GRHL3: variants seen among roughly 807,000 people sequenced by gnomAD.
The protein encoded by GRHL3 is grainyhead-like protein 3 homolog.
A neutral mutation model predicts 70.3 loss-of-function variants in GRHL3; 20 were observed. The ratio of observed to expected loss-of-function variants is 0.28; its 90% CI spans 0.20 to 0.41. The LOEUF (loss-of-function observed/expected upper bound fraction) is 0.41. Among genes scored for constraint, GRHL3 ranks in the 10% least tolerant of loss-of-function variants. The pLI is 1.00. For synonymous variants in GRHL3, 299 were observed against 299.9 expected, an observed-to-expected ratio of 1.00 and a Z score of 0.03; for missense variants, 637 against 762.3, an observed-to-expected ratio of 0.84 and a Z score of 1.94.
In GRHL3 at chr1:24,334,997, A is replaced by G. The variant is rs1253591644; in HGVS notation, c.266+291A>G. ...GAGCCTAGGGCTCTTGAAAGTCCTA[A>G]TGAAACTCAGCTTGAAAACACACAC... On this transcript the variant is annotated intron_variant, in intron 3 of 15. Coordinates refer to ENST00000361548, the MANE Select transcript of GRHL3 (RefSeq NM_198173.3). This position sits in a 1 kb window ranked among gnomAD's most constrained non-coding sequence, Gnocchi z 4.3. 6.7e-6 allele frequency among the ~76,000 whole-genome samples: 1 copy of G among 149,306 alleles called. No individual in the cohort carries two copies. The highest frequency in any genetic ancestry group is 1.5e-5 in the Non-Finnish European group (1 of 67,528).
intron 5 of GRHL3, 73 bp downstream of exon 5, chr1:24,337,224 C>A: frequency 9.6e-7 from 1 of 1,043,034 alleles, no homozygotes; most frequent in Non-Finnish European, 1.5e-6. Flanking sequence ...CCCACACTGT[C>A]CCCAGAGCAT....
chr1:24,324,308 C>G (rs1235144985), intron 1 of GRHL3, among the ~76,000 whole-genome samples: 1 of 152,150 alleles, frequency 6.6e-6, no homozygotes, highest in African/African-American at 2.4e-5. Flanking sequence ...TGACCACCGT[C>G]AACTTGCCCA....
In GRHL3 at chr1:24,343,035, G is replaced by C; in HGVS notation, c.1419+10G>C. On this transcript the variant is annotated intron_variant, in intron 11 of 15. Transcript: ENST00000361548. ...GCAGCGCTCTGGAGGGGTGAGGCCA[G>C]GGCTGGGGTCTCGGGAAGGAGCCGA... 6.2e-7 allele frequency: 1 copy of C among 1,613,996 alleles called. No individual in the cohort carries two copies. The highest frequency in any genetic ancestry group is 8.5e-7 in the Non-Finnish European group (1 of 1,179,958).
At chr1:24,354,139 G>C (rs1010716923) in intron 15 of GRHL3, among the ~76,000 whole-genome samples, 2 of 151,924 alleles carry the variant, frequency 1.3e-5, no homozygotes, top group African/African-American at 4.8e-5. Context: ...CTGTGAGTGT[G>C]GGGGCCAGCA....
At chr1:24,356,458 C>G (rs1180517034), downstream of GRHL3, among the ~76,000 whole-genome samples, 1 of 151,968 alleles carries the variant, frequency 6.6e-6, no homozygotes, top group Non-Finnish European at 1.5e-5. Flanking sequence ...CCAGGATGGT[C>G]TCGATCTCCT....
chr1:24,360,964 T>C, intron 15 of GRHL3: 1 of 1,614,062 alleles, frequency 6.2e-7, no homozygotes, highest in Non-Finnish European at 8.5e-7. Context: ...CACGATCTCA[T>C]ACTGACCAGG....
At chr1:24,363,515 T>C (rs1641257105) in intron 15 of GRHL3, among the ~76,000 whole-genome samples, 1 of 152,226 alleles carries the variant, frequency 6.6e-6, no homozygotes, top group Admixed American at 6.5e-5. Context: ...ACTTCCCCGT[T>C]CAACAGCTAT....
chr1:24,323,583 CTAAG>C (rs1032357097), intron 1 of GRHL3, among the ~76,000 whole-genome samples: 12 of 152,184 alleles, frequency 7.9e-5, no homozygotes, highest in Non-Finnish European at 1.2e-4. Flanking sequence ...GCTCCTTAAC[CTAAG>C]TGTCAGTTTT....
At chr1:24,324,655 G>A (rs1266261886) in intron 1 of GRHL3, among the ~76,000 whole-genome samples, 1 of 152,154 alleles carries the variant, frequency 6.6e-6, no homozygotes, top group Non-Finnish European at 1.5e-5. Context: ...ATGAACGGTA[G>A]CTCTCATAGC....
At chr1:24,336,932 C>T in intron 4 of GRHL3, 105 bp downstream of exon 4, 1 of 1,227,486 alleles carries the variant, frequency 8.1e-7, no homozygotes, top group Non-Finnish European at 1.2e-6. Flanking sequence ...TGGGGGAAAG[C>T]ATCCTAGAGC....
downstream of GRHL3, among the ~76,000 whole-genome samples, chr1:24,358,925 G>T (rs1015542060): frequency 6.6e-6 from 1 of 152,228 alleles, no homozygotes; most frequent in African/African-American, 2.4e-5. Flanking sequence ...TCTTAAAGAA[G>T]CAAGGTGTTA....
chr1:24,328,814 C>T (rs1639488145), intron 1 of GRHL3, among the ~76,000 whole-genome samples: 3 of 152,216 alleles, frequency 2.0e-5, no homozygotes, highest in Non-Finnish European at 4.4e-5. Context: ...GCGTTATCCT[C>T]ATGATATTAT....
intron 1 of GRHL3, among the ~76,000 whole-genome samples, chr1:24,320,519 A>G (rs1639140104): frequency 6.6e-6 from 1 of 152,188 alleles, no homozygotes; most frequent in Non-Finnish European, 1.5e-5. Context: ...AGAATCCTTT[A>G]AACACAGGCT....
chr1:24,358,446 G>T, downstream of GRHL3: 1 of 1,048,528 alleles, frequency 9.5e-7, no homozygotes, highest in Non-Finnish European at 1.5e-6. Flanking sequence ...GTTGTCAGCT[G>T]CCACACTCAT....
chr1:24,358,626 G>A (rs367604358), downstream of GRHL3: 69 of 1,610,112 alleles, frequency 4.3e-5, no homozygotes, highest in Non-Finnish European at 5.5e-5. Flanking sequence ...GTAGCTGTGA[G>A]GGGACAGAGA....
chr1:24,350,038 C>A lies in GRHL3; in HGVS notation c.1630-20C>A. 1 of 1,592,472 alleles carries A rather than the reference C, an allele frequency of 6.3e-7. No individual in the cohort carries two copies. The highest frequency in any genetic ancestry group is 1.1e-5 in the South Asian group (1 of 90,122). On this transcript the variant is annotated intron_variant, in intron 14 of 15. Transcript: ENST00000361548. ...CTAGCGTGGGCAGCAGGCAATGAAT[C>A]ACCTGTCTTTTCCTTCCAGATCTCT...
intron 15 of GRHL3, among the ~76,000 whole-genome samples, chr1:24,352,641 C>T (rs934538521): frequency 6.6e-6 from 1 of 152,178 alleles, no homozygotes; most frequent in African/African-American, 2.4e-5. Flanking sequence ...AGCCTTCCAG[C>T]TGGTACATAT....
chr1:24,329,128 C>T (rs755782530), intron 1 of GRHL3, among the ~76,000 whole-genome samples: 4 of 152,334 alleles, frequency 2.6e-5, no homozygotes, highest in Non-Finnish European at 1.5e-5. Flanking sequence ...GCTCTCCGCA[C>T]CCCTAGAACA....
chr1:24,334,223 C>T lies in GRHL3; in HGVS notation c.205-422C>T, dbSNP rs747491576. Among the ~76,000 whole-genome samples the T allele has an allele frequency of 5.9e-5, 9 of 152,222 alleles. No homozygotes were observed. The highest frequency in any genetic ancestry group is 8.8e-5 in the Non-Finnish European group (6 of 68,000). On this transcript the variant is annotated intron_variant, in intron 2 of 15. Coordinates refer to ENST00000361548, the MANE Select transcript of GRHL3 (RefSeq NM_198173.3). This position sits in a 1 kb window ranked among gnomAD's most constrained non-coding sequence, Gnocchi z 4.3. ...TTCTCACGCTGCTAATAAAGACATA[C>T]CCAGGACTGGGTAATTTTTAAAGGA...
Sources: gnomAD v4.1 joint callset for allele counts (sites outside exome capture counted in the v4.1 genomes callset) on GRCh38, gnomAD v4.1.1 for gene constraint, Gnocchi (gnomAD v3.1) non-coding constraint, MANE v1.5 for transcripts, NCBI Gene and HGNC (gene_info 2026-07-23, HGNC 2026-07-21) for gene names.